The following COG7 variants were observed in gnomAD, a reference collection of about 807,000 sequenced individuals.
COG7 encodes the protein conserved oligomeric Golgi complex subunit 7.
A neutral mutation model predicts 91.5 loss-of-function variants in COG7; 49 were observed. That is an observed-to-expected ratio of 0.54 (90% CI 0.43 to 0.68). The LOEUF is 0.68. Ranked by LOEUF, COG7 falls within the 30% of genes least tolerant of loss-of-function variation. COG7 has a pLI of 0.00. For missense variants in COG7, 895 were observed against 961.3 expected, an observed-to-expected ratio of 0.93 and a Z score of 0.91; for synonymous variants, 365 against 388.7, an observed-to-expected ratio of 0.94 and a Z score of 0.72.
chr16:23,393,505 G>A, intron 14 of COG7, 158 bp from the exon 15 acceptor site: 1 of 644,138 alleles, frequency 1.6e-6, no homozygotes, highest in Non-Finnish European at 2.8e-6. Flanking sequence ...GCTTGTTATG[G>A]CAGTACCCTA....
intron 9 of COG7, chr16:23,416,012 T>C (rs1229225651): frequency 6.6e-6 from 1 of 152,106 alleles, no homozygotes; most frequent in African/African-American, 2.4e-5. Context: ...AATATGGAAA[T>C]GTATTATTTT....
intron 3 of COG7, among the ~76,000 whole-genome samples, chr16:23,444,666 G>C (rs1355591534): frequency 6.6e-6 from 1 of 151,864 alleles, no homozygotes; most frequent in Admixed American, 6.6e-5. Context: ...ACCACACCTG[G>C]CTAATTTTTT....
intron 10 of COG7, chr16:23,413,160 G>GT (rs1963593913): frequency 2.7e-6 from 1 of 368,128 alleles, no homozygotes; most frequent in Non-Finnish European, 5.2e-6. Flanking sequence ...TAAGGTGGGG[G>GT]TAAAAAATCT....
chr16:23,442,379 A>T, intron 4 of COG7, 98 bp downstream of exon 4: 1 of 1,110,618 alleles, frequency 9.0e-7, no homozygotes, highest in Non-Finnish European at 1.4e-6. Context: ...TAATCTATGT[A>T]ATTCAATCAC....
At chr16:23,412,239 C>T (rs763101466) in intron 10 of COG7, 1 of 152,210 alleles carries the variant, frequency 6.6e-6, no homozygotes, top group Admixed American at 6.5e-5. Context: ...AGAGCCTAAT[C>T]GTATCACTAT....
At chr16:23,394,012 C>T (rs1359789056) in intron 14 of COG7, among the ~76,000 whole-genome samples, 3 of 148,666 alleles carry the variant, frequency 2.0e-5, no homozygotes, top group Non-Finnish European at 3.0e-5. Flanking sequence ...CATTGCACTG[C>T]AGCCTGGGCA....
intron 6 of COG7, among the ~76,000 whole-genome samples, chr16:23,433,303 C>A (rs779664209): frequency 3.9e-5 from 6 of 152,120 alleles, no homozygotes; most frequent in Non-Finnish European, 7.3e-5. Flanking sequence ...GTTGGCCAGG[C>A]TGGTCTCGAA....
chr16:23,392,248 C>T, intron 16 of COG7, 132 bp downstream of exon 16: 1 of 1,528,744 alleles, frequency 6.5e-7, no homozygotes, highest in Non-Finnish European at 8.8e-7. Flanking sequence ...AATTTTCAAC[C>T]AGCTTCAGAG....
chr16:23,445,077 C>T lies in COG7; in HGVS notation c.406G>A (p.Ala136Thr), dbSNP rs149163316. Residue 136 changes from alanine (A) to threonine (T), a missense_variant, in exon 3 of 17, where the codon GCC becomes ACC. Ala to Thr is a moderately conservative substitution (Grantham distance 58, BLOSUM62 0). Coordinates refer to ENST00000307149, the MANE Select transcript of COG7 (RefSeq NM_153603.4). ...GTCTTAAATGTCTCCTCAATATCGGCGCTCAACGTGCTCCACTTATCTGCT... is the reference window on the plus strand; with the variant it reads ...GTCTTAAATGTCTCCTCAATATCGGTGCTCAACGTGCTCCACTTATCTGCT... The part of the protein sequence containing the change: ...QEADKWSTLS[A>T]DIEETFKTQD... 1,068 of 1,613,872 alleles carry T rather than the reference C, an allele frequency of 6.6e-4. No homozygotes were observed. Among genetic ancestry groups the T allele is most frequent in the Admixed American group, 1.3e-3 (77 of 59,998 alleles).
At chr16:23,441,225 C>G (rs1328362289) in intron 4 of COG7, among the ~76,000 whole-genome samples, 1 of 152,158 alleles carries the variant, frequency 6.6e-6, no homozygotes, top group Non-Finnish European at 1.5e-5. Flanking sequence ...ATCTTATAAG[C>G]CATAATTTGG....
intron 13 of COG7, among the ~76,000 whole-genome samples, chr16:23,403,274 T>C (rs966712841): frequency 6.6e-6 from 1 of 152,146 alleles, no homozygotes; most frequent in Non-Finnish European, 1.5e-5. Context: ...AAAACACAAG[T>C]TCAATTCTGA....
rs113697295 is a variant in COG7, at chr16:23,418,478, C to T, written c.1137+222G>A. Among the ~76,000 whole-genome samples the T allele has an allele frequency of 9.9e-3, 1,509 of 152,294 alleles. 32 individuals are homozygous for T. The highest frequency in any genetic ancestry group is 0.034 in the African/African-American group (1,424 of 41,576). On this transcript the variant is annotated intron_variant, in intron 8 of 16. Transcript: ENST00000307149. ...TGTAATCAATCGCACCACTACACTC[C>T]AGCCTGGGCGACAGATGGAGACTCT...
chr16:23,430,466 C>T (rs1963916781), intron 6 of COG7, among the ~76,000 whole-genome samples: 1 of 150,292 alleles, frequency 6.7e-6, no homozygotes, highest in African/African-American at 2.4e-5. Flanking sequence ...CACAATTTTA[C>T]CTAAAAAAAA....
intron 7 of COG7, 144 bp downstream of exon 7, chr16:23,424,605 T>C: frequency 1.2e-6 from 1 of 851,952 alleles, no homozygotes; most frequent in South Asian, 1.5e-5. Context: ...GGAAAAGCCC[T>C]CCACATCTGC....
chr16:23,404,694 C>T (rs1316592844), intron 12 of COG7, among the ~76,000 whole-genome samples: 1 of 152,160 alleles, frequency 6.6e-6, no homozygotes, highest in African/African-American at 2.4e-5. Context: ...CTGAGACAGG[C>T]AGATCACCTG....
intron 13 of COG7, among the ~76,000 whole-genome samples, chr16:23,399,830 G>A (rs1963345627): frequency 1.3e-5 from 2 of 152,062 alleles, no homozygotes; most frequent in South Asian, 4.1e-4. Flanking sequence ...ATTCAAAAAT[G>A]ACAAAAAAGA....
intron 14 of COG7, chr16:23,393,629 A>T (rs1963236533): frequency 2.3e-6 from 1 of 444,110 alleles, no homozygotes; most frequent in Non-Finnish European, 4.1e-6. Flanking sequence ...AGTAATGGAT[A>T]TCAAAATGCT....
At chr16:23,429,756 C>T (rs1477327726) in intron 6 of COG7, among the ~76,000 whole-genome samples, 1 of 151,886 alleles carries the variant, frequency 6.6e-6, no homozygotes, top group Non-Finnish European at 1.5e-5. Context: ...AACAGCGAAA[C>T]TCCGTCTCAA....
At chr16:23,436,938 G>C (rs1964022182) in intron 4 of COG7, among the ~76,000 whole-genome samples, 1 of 152,138 alleles carries the variant, frequency 6.6e-6, no homozygotes, top group South Asian at 2.1e-4. Flanking sequence ...ATCCCAACTA[G>C]ATATCTAATC....
Sources: gnomAD v4.1 joint callset for allele counts (sites outside exome capture counted in the v4.1 genomes callset) on GRCh38, gnomAD v4.1.1 for gene constraint, MANE v1.5 for transcripts, NCBI Gene and HGNC (gene_info 2026-07-23, HGNC 2026-07-21) for gene names.